The following MYL4 variants were observed in gnomAD, a reference collection of about 807,000 sequenced individuals.
The protein encoded by MYL4 is myosin light chain 4.
A neutral mutation model predicts 21.6 loss-of-function variants in MYL4; 16 were observed. That is an observed-to-expected ratio of 0.74 (90% CI 0.50 to 1.12). The LOEUF (loss-of-function observed/expected upper bound fraction) is 1.12, where lower values mean the gene tolerates loss of function less well. MYL4 is among the 50% of genes most tolerant of loss of function. The probability of loss-of-function intolerance (pLI) is 0.00; values close to 1 mark genes in which losing one functional copy is unlikely to be tolerated. For missense variants in MYL4, 249 were observed against 252.9 expected (o/e 0.98, Z 0.11); for synonymous variants, 82 against 95.7 (o/e 0.86, Z 0.83).
chr17:47,191,750 T>C, the MYL4 span, among the ~76,000 whole-genome samples: 1 of 152,200 alleles, frequency 6.6e-6, no homozygotes, highest in East Asian at 1.9e-4. Context: ...ATTACAGGTG[T>C]GAGCCACTGT....
At chr17:47,205,724 C>T (rs932412268), upstream of MYL4, among the ~76,000 whole-genome samples, 1 of 152,220 alleles carries the variant, frequency 6.6e-6, no homozygotes, top group Non-Finnish European at 1.5e-5. Context: ...GGTGGTTGGG[C>T]ATGCCTTCTC....
intron 2 of MYL4, among the ~76,000 whole-genome samples, chr17:47,216,220 G>A (rs1409725434): frequency 1.7e-4 from 26 of 151,686 alleles, no homozygotes; most frequent in Admixed American, 1.7e-3. Context: ...GCTCTAGTAA[G>A]CAGGTGACCA....
chr17:47,208,730 A>T (rs117068152), upstream of MYL4, among the ~76,000 whole-genome samples: 3,964 of 152,174 alleles, frequency 0.026, 81 homozygotes, highest in Middle Eastern at 0.044. Flanking sequence ...TTGTTGAATG[A>T]ATGACTGAGG....
upstream of MYL4, among the ~76,000 whole-genome samples, chr17:47,208,873 G>T (rs2064749920): frequency 6.6e-6 from 1 of 152,140 alleles, no homozygotes; most frequent in Admixed American, 6.5e-5. Flanking sequence ...ACCAGCTGTT[G>T]CTTCAGAGCT....
Position 47,221,614 on chromosome 17 carries a change from C to T in MYL4, c.314-68C>T. On this transcript the variant is annotated intron_variant, in intron 3 of 6. Coordinates refer to ENST00000393450, the MANE Select transcript of MYL4 (RefSeq NM_002476.2). ...TGTCAGACTTGGGGTGAGGCCCCCT[C>T]TTGACCCTCTGCTCCCTTGAGCACC... is the stretch of plus-strand genomic sequence containing the variant. 7 of 1,544,534 alleles carry T rather than the reference C, an allele frequency of 4.5e-6. No homozygotes were observed. In the Admixed American group the frequency reaches 7.1e-5, roughly 16 times the overall value.
At chr17:47,197,394 G>A (rs1336258535), upstream of MYL4, among the ~76,000 whole-genome samples, 2 of 152,054 alleles carry the variant, frequency 1.3e-5, no homozygotes, top group Non-Finnish European at 2.9e-5. Flanking sequence ...CACCGCACCC[G>A]GCCAAATCCT....
chr17:47,213,814 G>A lies in MYL4; in HGVS notation c.151G>A (p.Asp51Asn), dbSNP rs772358836. The change falls in exon 2 of 7, where the codon GAC (aspartate) becomes AAC (asparagine). Residue 51 changes from aspartate (D) to asparagine (N), a missense_variant. By Grantham distance (23) the Asp-to-Asn change is conservative. Transcript: ENST00000393450. ...PKSVKIDFTA[D>N]QIEEFKEAFS... ...CTCCCTACAGATAGACTTCACTGCC[G>A]ACCAGATTGAAGGTGAGTATGGACA... 1.3e-5 allele frequency: 21 copies of A among 1,614,062 alleles called. 1 individual carries two copies. The highest frequency in any genetic ancestry group is 1.1e-4 in the South Asian group (10 of 91,066).
intron 1 of MYL4, among the ~76,000 whole-genome samples, chr17:47,201,571 C>T (rs34885810): frequency 0.082 from 12,410 of 152,144 alleles, 580 homozygotes; most frequent in African/African-American, 0.11. Flanking sequence ...ATTCTCATGC[C>T]TCAGTCTCCC....
chr17:47,221,997 C>G, intron 4 of MYL4, 142 bp downstream of exon 4: 1 of 969,218 alleles, frequency 1.0e-6, no homozygotes, highest in East Asian at 2.7e-5. Context: ...CAGGCCCTGT[C>G]TCCCTGGGCT....
At chr17:47,204,336 C>T (rs571670352), upstream of MYL4, among the ~76,000 whole-genome samples, 7 of 152,286 alleles carry the variant, frequency 4.6e-5, no homozygotes, top group East Asian at 3.9e-4. Flanking sequence ...AGGGGTTTCT[C>T]GAGTTTTTCT....
intron 2 of MYL4, among the ~76,000 whole-genome samples, chr17:47,218,299 A>G (rs1279944195): frequency 6.6e-6 from 1 of 152,226 alleles, no homozygotes; most frequent in Non-Finnish European, 1.5e-5. Context: ...AATAATCCAT[A>G]CGCAGCCTCG....
At chr17:47,206,310 T>C (rs2064728124), upstream of MYL4, among the ~76,000 whole-genome samples, 1 of 151,930 alleles carries the variant, frequency 6.6e-6, no homozygotes, top group Non-Finnish European at 1.5e-5. Flanking sequence ...TTCTTAGAAT[T>C]TAGAAAAGAA....
At chr17:47,197,386 C>T (rs535789377), upstream of MYL4, among the ~76,000 whole-genome samples, 1 of 152,258 alleles carries the variant, frequency 6.6e-6, no homozygotes, top group South Asian at 2.1e-4. Flanking sequence ...GCATGAGCCA[C>T]CGCACCCGGC....
At chr17:47,208,871 T>G (rs1309795966), upstream of MYL4, among the ~76,000 whole-genome samples, 1 of 152,102 alleles carries the variant, frequency 6.6e-6, no homozygotes, top group Non-Finnish European at 1.5e-5. Context: ...GGACCAGCTG[T>G]TGCTTCAGAG....
At chr17:47,203,821 C>G (rs2064717663) in intron 1 of MYL4, among the ~76,000 whole-genome samples, 1 of 152,154 alleles carries the variant, frequency 6.6e-6, no homozygotes, top group Non-Finnish European at 1.5e-5. Context: ...TGAATGAGCC[C>G]TAAAACCGAG....
intron 2 of MYL4, among the ~76,000 whole-genome samples, chr17:47,217,351 G>C (rs966924438): frequency 6.6e-6 from 1 of 151,848 alleles, no homozygotes; most frequent in African/African-American, 2.4e-5. Context: ...CCAGCTACTC[G>C]AGAGGCTGAG....
Position 47,202,111 on chromosome 17 carries a change from G to A in MYL4, c.-35+1525G>A, listed in dbSNP as rs965337828. 5.9e-5 allele frequency among the ~76,000 whole-genome samples: 9 copies of A among 152,000 alleles called. No homozygotes were observed. In the East Asian group the frequency reaches 1.5e-3, roughly 26 times the overall value. On this transcript the variant is annotated intron_variant and NMD_transcript_variant, in intron 1 of 6. Transcript: ENST00000571981. The stretch of plus-strand genomic sequence containing the variant: ...AGTGATTCTCCTGCCTCAGCCTCCC[G>A]AGTAGCTGGGATTACAGGCACGTGC...
the MYL4 span, among the ~76,000 whole-genome samples, chr17:47,191,756 A>G: frequency 3.9e-5 from 6 of 152,188 alleles, no homozygotes; most frequent in African/African-American, 1.4e-4. Flanking sequence ...GGTGTGAGCC[A>G]CTGTGCCCAG....
At chr17:47,222,659 T>C (rs962356461) in intron 5 of MYL4, among the ~76,000 whole-genome samples, 22 of 152,118 alleles carry the variant, frequency 1.4e-4, no homozygotes, top group Admixed American at 7.2e-4. Flanking sequence ...AGCTCTGTGA[T>C]ATATTAGCTG....
Sources: allele counts gnomAD v4.1 joint callset (sites outside exome capture counted in the v4.1 genomes callset), GRCh38; gene constraint gnomAD v4.1.1; transcripts MANE v1.5; gene names NCBI Gene and HGNC (gene_info 2026-07-23, HGNC 2026-07-21).